The following UBR4 variants were observed in gnomAD, a reference collection of about 807,000 sequenced individuals.
The protein encoded by UBR4 is E3 ubiquitin-protein ligase UBR4.
Under a neutral mutation model 575.6 loss-of-function variants are expected in UBR4, and 124 were observed. That is an observed-to-expected ratio of 0.22 (90% confidence interval 0.19 to 0.25). The LOEUF (loss-of-function observed/expected upper bound fraction) is 0.25, where lower values mean the gene tolerates loss of function less well. Among genes scored for constraint, UBR4 ranks in the 10% least tolerant of loss-of-function variants. UBR4 has a pLI of 1.00. For missense variants in UBR4, 4,818 were observed against 6,478.8 expected, an observed-to-expected ratio of 0.74 and a Z score of 8.80; for synonymous variants, 2,455 against 2,473.7, an observed-to-expected ratio of 0.99 and a Z score of 0.22.
chr1:19,109,030 G>C (rs1056751696), intron 81 of UBR4, among the ~76,000 whole-genome samples: 5 of 152,226 alleles, frequency 3.3e-5, no homozygotes, highest in African/African-American at 1.2e-4. Context: ...CCATCAAAGG[G>C]AAGGAAGCAG....
At chr1:19,123,333 C>T (rs1442425099) in intron 65 of UBR4, among the ~76,000 whole-genome samples, 1 of 151,928 alleles carries the variant, frequency 6.6e-6, no homozygotes, top group African/African-American at 2.4e-5. Flanking sequence ...TGCCTGTAAT[C>T]CCAGCTACTA....
At chr1:19,077,876 G>T in intron 104 of UBR4, 100 bp downstream of exon 104, 4 of 1,599,638 alleles carry the variant, frequency 2.5e-6, no homozygotes, top group Non-Finnish European at 3.4e-6. Context: ...CAGGCCCAGC[G>T]GAGGAGCAGC....
At position 19,153,771 on chromosome 1, in the gene UBR4, C is replaced by A; in HGVS notation, c.6627G>T (p.Ala2209=). The change falls in exon 45 of 106, where the codon GCG becomes GCT. Residue 2209 remains alanine (A), a synonymous_variant. Transcript: ENST00000375254. The surrounding 1 kb of genome is among the most constrained non-coding windows in gnomAD (Gnocchi z 4.1). ...IQEIKTLPAK[A]KIQDMVAIRH... ...AATGGGAAAATCTGGCACTGACCTT[C>A]GCTTTAGCAGGAAGAGTCTTAATCT... is the stretch of plus-strand genomic sequence containing the variant. 2 of 1,613,294 alleles carry A rather than the reference C, an allele frequency of 1.2e-6. No individual in the cohort carries two copies. Among genetic ancestry groups the A allele is most frequent in the Non-Finnish European group, 1.7e-6 (2 of 1,179,644 alleles).
intron 25 of UBR4, 117 bp downstream of exon 25, chr1:19,172,746 AC>A: frequency 2.1e-6 from 2 of 965,172 alleles, no homozygotes; most frequent in Admixed American, 2.3e-5. Context: ...AAAGCATTAT[AC>A]GTGGGGAAAA....
rs1396192484 is a variant in UBR4 at position 19,127,652 on chromosome 1, T to C, written c.9199A>G (p.Lys3067Glu). The change falls in exon 63 of 106, where the codon AAA becomes GAA. Residue 3067 changes from lysine to glutamate, a missense_variant. Physicochemically the swap from Lys to Glu is moderately conservative, Grantham distance 56 (BLOSUM62 1). Coordinates refer to ENST00000375254, the MANE Select transcript of UBR4 (RefSeq NM_020765.3). ...CATATGGAAGACTTGGATCCAGATTTGGTGCGGGACATGAAGACACTCAGG... is the reference window on the plus strand; with the variant it reads ...CATATGGAAGACTTGGATCCAGATTCGGTGCGGGACATGAAGACACTCAGG... ...RLLSVFMSRT[K>E]SGSKSSICES... The C allele has an allele frequency of 1.9e-6, 3 of 1,614,148 alleles. No homozygotes were observed. The highest frequency in any genetic ancestry group is 2.5e-6 in the Non-Finnish European group (3 of 1,180,022).
chr1:19,193,079 G>A (rs2092222659), intron 9 of UBR4, among the ~76,000 whole-genome samples: 1 of 152,130 alleles, frequency 6.6e-6, no homozygotes, highest in South Asian at 2.1e-4. Flanking sequence ...ACCCGGCCCA[G>A]ATCACTATCA....
intron 55 of UBR4, 124 bp downstream of exon 55, chr1:19,143,856 A>G: frequency 1.3e-6 from 1 of 756,084 alleles, no homozygotes; most frequent in Non-Finnish European, 2.1e-6. Context: ...GATTAGAAAA[A>G]AGACAGATAC....
At chr1:19,143,339 G>A (rs1159434873) in intron 55 of UBR4, among the ~76,000 whole-genome samples, 1 of 151,614 alleles carries the variant, frequency 6.6e-6, no homozygotes, top group Non-Finnish European at 1.5e-5. Context: ...AGTACATAGT[G>A]ACTTTCATTT....
rs1338861757 is a variant in UBR4 at position 19,179,046 on chromosome 1, C to T, written c.2354+5G>A. The T allele has an allele frequency of 4.3e-6, 7 of 1,612,510 alleles. No homozygotes were observed. Among genetic ancestry groups the T allele is most frequent in the Non-Finnish European group, 5.9e-6 (7 of 1,179,574 alleles). On this transcript the variant is annotated splice_donor_5th_base_variant and intron_variant, in intron 18 of 105. Coordinates refer to ENST00000375254, the MANE Select transcript of UBR4 (RefSeq NM_020765.3). ...TCTATAGGCCTTCTCTTACAGACAT[C>T]TTACCTGTCCCAAACTTTAAGGCAT...
chr1:19,145,001 T>C (rs2084646997), intron 53 of UBR4, 94 bp from the exon 54 acceptor site: 1 of 1,461,818 alleles, frequency 6.8e-7, no homozygotes, highest in Non-Finnish European at 9.4e-7. Flanking sequence ...TATCTCCATG[T>C]AAAAGGTCAT....
intron 78 of UBR4, among the ~76,000 whole-genome samples, chr1:19,111,395 G>A (rs1036678488): frequency 1.3e-5 from 2 of 152,188 alleles, no homozygotes; most frequent in African/African-American, 4.8e-5. Flanking sequence ...CTCCTCCCGA[G>A]TCTTCCCTAC....
chr1:19,110,701 G>A lies in UBR4; in HGVS notation c.11892+41C>T. ...GCTGAGAAACACAAGGCATGTGAGG[G>A]GAAGTCAGAGAGGACAGCTGGGCCT... is the stretch of plus-strand genomic sequence containing the variant. On this transcript the variant is annotated intron_variant, in intron 79 of 105. Transcript: ENST00000375254. This position sits in a 1 kb window ranked among gnomAD's most constrained non-coding sequence, Gnocchi z 4.5. 6.3e-7 allele frequency: 1 copy of A among 1,598,708 alleles called. No homozygotes were observed. The highest frequency in any genetic ancestry group is 8.6e-7 in the Non-Finnish European group (1 of 1,166,606).
At position 19,150,747 on chromosome 1, in the gene UBR4, T is replaced by C. The variant is rs376269975; in HGVS notation, c.7260A>G (p.Val2420=). 6.2e-7 allele frequency: 1 copy of C among 1,613,996 alleles called. No homozygotes were observed. Among genetic ancestry groups the C allele is most frequent in the African/African-American group, 1.3e-5 (1 of 74,894 alleles). Residue 2420 remains valine, a synonymous_variant, in exon 49 of 106, where the codon GTA becomes GTG. Coordinates refer to ENST00000375254, the MANE Select transcript of UBR4 (RefSeq NM_020765.3). ...GCTCCTTAGTCTTGCCATAAATTTT[T>C]ACAGCATCTATCATGGTGACACCTG... The part of the protein sequence containing the change: ...DPAGVTMIDA[V]KIYGKTKEQF...
intron 1 of UBR4, among the ~76,000 whole-genome samples, chr1:19,203,608 G>C (rs892366022): frequency 6.6e-6 from 1 of 152,028 alleles, no homozygotes; most frequent in Non-Finnish European, 1.5e-5. Context: ...GGAGCCAAAA[G>C]GACAAGTCAC....
At chr1:19,077,793 C>T in intron 104 of UBR4, 183 bp downstream of exon 104, 1 of 1,530,718 alleles carries the variant, frequency 6.5e-7, no homozygotes, top group East Asian at 2.5e-5. Context: ...ACCTCACAGA[C>T]ACAAGGCTCC....
chr1:19,188,930 T>C (rs1023348067), intron 11 of UBR4, among the ~76,000 whole-genome samples: 5 of 152,026 alleles, frequency 3.3e-5, no homozygotes, highest in East Asian at 1.9e-4. Context: ...AATCCTACCA[T>C]TGCACTCTAG....
intron 51 of UBR4, 133 bp from the exon 52 acceptor site, chr1:19,147,133 A>C (rs2084982169): frequency 1.2e-6 from 1 of 858,980 alleles, no homozygotes; most frequent in Admixed American, 3.1e-5. Context: ...AACACCAATC[A>C]CCTACAACAG....
chr1:19,097,103 G>A, intron 91 of UBR4, 90 bp downstream of exon 91: 1 of 1,065,710 alleles, frequency 9.4e-7, no homozygotes, highest in Non-Finnish European at 1.3e-6. Flanking sequence ...AGGTACAAGA[G>A]AGAAGCAACT....
chr1:19,192,788 T>C (rs543558288), intron 9 of UBR4, among the ~76,000 whole-genome samples: 1 of 145,608 alleles, frequency 6.9e-6, no homozygotes, highest in Non-Finnish European at 1.5e-5. Flanking sequence ...ATCAGATCAC[T>C]TTTTTTTTTT....
Sources: allele counts gnomAD v4.1 joint callset (sites outside exome capture counted in the v4.1 genomes callset), GRCh38; gene constraint gnomAD v4.1.1; non-coding constraint Gnocchi (gnomAD v3.1); transcripts MANE v1.5; gene names NCBI Gene and HGNC (gene_info 2026-07-23, HGNC 2026-07-21).